ATXN1: variants seen among roughly 807,000 people sequenced by gnomAD.
ATXN1 encodes ataxin 1.
Under a neutral mutation model 56.4 loss-of-function variants are expected in ATXN1, and 8 were observed. That is an observed-to-expected ratio of 0.14 (90% CI 0.08 to 0.26). The LOEUF (loss-of-function observed/expected upper bound fraction) is 0.26. ATXN1 is among the 10% of genes least tolerant of loss of function. ATXN1 has a pLI of 1.00. For missense variants in ATXN1, 987 were observed against 1,106.5 expected (o/e 0.89, Z 1.53); for synonymous variants, 514 against 494.6 (o/e 1.04, Z -0.52).
At chr6:16,346,113 T>C in intron 6 of ATXN1, among the ~76,000 whole-genome samples, 1 of 152,192 alleles carries the variant, frequency 6.6e-6, no homozygotes, top group East Asian at 1.9e-4. Flanking sequence ...TGGAGCGCAG[T>C]CACGTGATCC....
chr6:16,683,034 C>G (rs2113403706), intron 2 of ATXN1, among the ~76,000 whole-genome samples: 1 of 152,224 alleles, frequency 6.6e-6, no homozygotes, highest in Admixed American at 6.5e-5. Flanking sequence ...CCTTGACCGC[C>G]AAAACCAACC....
intron 2 of ATXN1, among the ~76,000 whole-genome samples, chr6:16,719,852 C>G (rs563154293): frequency 3.9e-5 from 6 of 152,194 alleles, no homozygotes; most frequent in Admixed American, 1.3e-4. Context: ...CAGAGGATGA[C>G]AGCGGCAAGG....
At position 16,578,382 on chromosome 6, in the gene ATXN1, G is replaced by A. The variant is rs571999828; in HGVS notation, c.-361+7398C>T. Among the ~76,000 whole-genome samples the A allele has an allele frequency of 7.2e-5, 11 of 152,238 alleles. No homozygotes were observed. The East Asian group carries it at 1.5e-3, about 21-fold the overall frequency. On this transcript the variant is annotated intron_variant, in intron 4 of 7. Coordinates refer to ENST00000436367, the MANE Select transcript of ATXN1 (RefSeq NM_001128164.2). ...AGTAGCTTTCAAATTTATCCACTACGACTTCCACGCTCATATCCTAATATT... is the reference window on the plus strand; with the variant it reads ...AGTAGCTTTCAAATTTATCCACTACAACTTCCACGCTCATATCCTAATATT...
intron 4 of ATXN1, among the ~76,000 whole-genome samples, chr6:16,582,357 T>C (rs1424739590): frequency 6.6e-6 from 1 of 152,206 alleles, no homozygotes; most frequent in Non-Finnish European, 1.5e-5. Flanking sequence ...TTATCTTCAA[T>C]GCCCAGCCCT....
intron 3 of ATXN1, among the ~76,000 whole-genome samples, chr6:16,635,327 C>A (rs532835290): frequency 2.4e-4 from 36 of 152,204 alleles, no homozygotes; most frequent in African/African-American, 8.7e-4. Flanking sequence ...TTATATATTA[C>A]AACATAATAA....
chr6:16,461,226 A>G (rs1759987450), intron 6 of ATXN1, among the ~76,000 whole-genome samples: 1 of 152,232 alleles, frequency 6.6e-6, no homozygotes. Context: ...GTACTCCCTG[A>G]TCGAAACAGA....
chr6:16,530,647 T>C (rs561696442), intron 4 of ATXN1, among the ~76,000 whole-genome samples: 2 of 152,152 alleles, frequency 1.3e-5, no homozygotes, highest in African/African-American at 4.8e-5. Context: ...AAATAACTAA[T>C]GGTTACTAGG....
At chr6:16,706,661 T>G (rs560644296) in intron 2 of ATXN1, among the ~76,000 whole-genome samples, 55 of 151,062 alleles carry the variant, frequency 3.6e-4, no homozygotes, top group Non-Finnish European at 7.5e-4. Context: ...GAGGCGGAAG[T>G]TGCAGGGAGC....
At chr6:16,394,264 A>G (rs967169244) in intron 6 of ATXN1, among the ~76,000 whole-genome samples, 2 of 152,196 alleles carry the variant, frequency 1.3e-5, no homozygotes, top group African/African-American at 4.8e-5. Context: ...GGTCACGTGC[A>G]TCATGAATGA....
intron 6 of ATXN1, among the ~76,000 whole-genome samples, chr6:16,428,475 C>A (rs1759206287): frequency 1.4e-5 from 2 of 146,914 alleles, no homozygotes; most frequent in Non-Finnish European, 3.0e-5. Flanking sequence ...GTGGTTTTTG[C>A]CATTGAAAGT....
chr6:16,554,776 A>T (rs565193959), intron 4 of ATXN1, among the ~76,000 whole-genome samples: 1 of 152,074 alleles, frequency 6.6e-6, no homozygotes, highest in East Asian at 1.9e-4. Flanking sequence ...TTTTTAGTAG[A>T]GATAGGGTTT....
chr6:16,515,062 T>C (rs1761154411), intron 5 of ATXN1, among the ~76,000 whole-genome samples: 1 of 151,988 alleles, frequency 6.6e-6, no homozygotes, highest in Admixed American at 6.6e-5. Context: ...CCACCTAGGC[T>C]CAAAAATTGG....
At chr6:16,711,228 T>C (rs577440421) in intron 2 of ATXN1, among the ~76,000 whole-genome samples, 10 of 152,304 alleles carry the variant, frequency 6.6e-5, no homozygotes, top group African/African-American at 2.4e-4. Flanking sequence ...TAATAAAAAC[T>C]GAATCTTGAC....
intron 2 of ATXN1, among the ~76,000 whole-genome samples, chr6:16,680,175 G>C (rs1758785087): frequency 1.3e-5 from 2 of 152,090 alleles, no homozygotes; most frequent in Admixed American, 6.6e-5. Context: ...ATAGGTATCA[G>C]AGGCTGCTGC....
intron 2 of ATXN1, chr6:16,739,311 G>A (rs1193986524): frequency 6.6e-6 from 1 of 152,312 alleles, no homozygotes; most frequent in Non-Finnish European, 1.5e-5. Context: ...GAAATCCAGG[G>A]AGAAAATTCT....
chr6:16,761,275 AG>A (rs1254606656), intron 1 of ATXN1, 22 bp downstream of exon 1: 10 of 444,454 alleles, frequency 2.2e-5, no homozygotes, highest in South Asian at 1.3e-4. Flanking sequence ...GAATCGGAGG[AG>A]GAAAAAAAAA....
chr6:16,534,736 G>A (rs930751951), intron 4 of ATXN1, among the ~76,000 whole-genome samples: 2 of 151,672 alleles, frequency 1.3e-5, no homozygotes, highest in African/African-American at 4.9e-5. Flanking sequence ...CATTATTTTC[G>A]GCTTTCTTCT....
chr6:16,705,694 C>T (rs1226587412), intron 2 of ATXN1, among the ~76,000 whole-genome samples: 1 of 152,162 alleles, frequency 6.6e-6, no homozygotes, highest in Non-Finnish European at 1.5e-5. Flanking sequence ...GAACAAGGGG[C>T]CTGTCTGTCC....
chr6:16,702,494 T>A (rs1759307675), intron 2 of ATXN1, among the ~76,000 whole-genome samples: 1 of 152,130 alleles, frequency 6.6e-6, no homozygotes, highest in Non-Finnish European at 1.5e-5. Flanking sequence ...TGGGATCTAA[T>A]TAAACTAAAG....
Sources: gnomAD v4.1 joint callset for allele counts (sites outside exome capture counted in the v4.1 genomes callset) on GRCh38, gnomAD v4.1.1 for gene constraint, MANE v1.5 for transcripts, NCBI Gene and HGNC (gene_info 2026-07-23, HGNC 2026-07-21) for gene names.